SH3RF1: variants seen among roughly 807,000 people sequenced by gnomAD.
SH3RF1 encodes SH3 domain containing ring finger 1.
A neutral mutation model predicts 74.0 loss-of-function variants in SH3RF1; 32 were observed. The ratio of observed to expected loss-of-function variants is 0.43; its 90% CI spans 0.33 to 0.58. The LOEUF is 0.58. Ranked by LOEUF, SH3RF1 falls within the 20% of genes least tolerant of loss-of-function variation. The pLI is 0.05. For synonymous variants in SH3RF1, 396 were observed against 439.6 expected, an observed-to-expected ratio of 0.90 and a Z score of 1.24; for missense variants, 954 against 1,130.9, an observed-to-expected ratio of 0.84 and a Z score of 2.24.
intron 2 of SH3RF1, among the ~76,000 whole-genome samples, chr4:169,160,603 T>C (rs1734135368): frequency 6.6e-6 from 1 of 152,174 alleles, no homozygotes; most frequent in Non-Finnish European, 1.5e-5. Flanking sequence ...TGAACAAACA[T>C]TTGTGCATCT....
chr4:169,196,589 A>C (rs900865102), intron 2 of SH3RF1, among the ~76,000 whole-genome samples: 4 of 152,170 alleles, frequency 2.6e-5, no homozygotes, highest in African/African-American at 9.7e-5. Flanking sequence ...AATCACCTTA[A>C]TCTAATTTCA....
chr4:169,244,697 A>G (rs1579159891), intron 2 of SH3RF1, among the ~76,000 whole-genome samples: 1 of 139,284 alleles, frequency 7.2e-6, no homozygotes. Flanking sequence ...AAAGTAACAC[A>G]TGACAGAATT....
chr4:169,101,545 T>C (rs1479127629), intron 11 of SH3RF1, among the ~76,000 whole-genome samples: 1 of 152,000 alleles, frequency 6.6e-6, no homozygotes, highest in Non-Finnish European at 1.5e-5. Context: ...AATGGTTGTA[T>C]GACAACATGA....
At chr4:169,224,042 A>C (rs1380498671) in intron 2 of SH3RF1, among the ~76,000 whole-genome samples, 1 of 152,242 alleles carries the variant, frequency 6.6e-6, no homozygotes, top group Non-Finnish European at 1.5e-5. Context: ...GGGGCAGAAT[A>C]CTGTGGTCTT....
At chr4:169,260,047 G>A (rs766292001) in intron 2 of SH3RF1, among the ~76,000 whole-genome samples, 9 of 152,166 alleles carry the variant, frequency 5.9e-5, no homozygotes, top group South Asian at 2.1e-4. Context: ...TGGAGTGAGC[G>A]TCTGACCAGA....
At chr4:169,210,623 A>G (rs926834912) in intron 2 of SH3RF1, among the ~76,000 whole-genome samples, 3 of 152,346 alleles carry the variant, frequency 2.0e-5, no homozygotes, top group Non-Finnish European at 1.5e-5. Flanking sequence ...GCCTCCTTAC[A>G]TATTTTAGGT....
intron 2 of SH3RF1, among the ~76,000 whole-genome samples, chr4:169,241,099 G>C (rs1228681692): frequency 6.6e-6 from 1 of 152,124 alleles, no homozygotes; most frequent in Non-Finnish European, 1.5e-5. Flanking sequence ...GCGTGGTGGC[G>C]GGCGCCTGTA....
intron 2 of SH3RF1, among the ~76,000 whole-genome samples, chr4:169,163,125 T>C (rs1734177712): frequency 6.6e-6 from 1 of 151,024 alleles, no homozygotes; most frequent in South Asian, 2.1e-4. Flanking sequence ...AAACTAGAGA[T>C]AAAGGAAAGT....
intron 6 of SH3RF1, among the ~76,000 whole-genome samples, chr4:169,126,371 T>C (rs1733525294): frequency 6.6e-6 from 1 of 152,180 alleles, no homozygotes; most frequent in African/African-American, 2.4e-5. Context: ...TTCACCCTGA[T>C]TTTTAGATCT....
intron 2 of SH3RF1, among the ~76,000 whole-genome samples, chr4:169,263,306 A>C (rs1731308746): frequency 6.6e-6 from 1 of 152,224 alleles, no homozygotes; most frequent in African/African-American, 2.4e-5. Context: ...TCTATATCTT[A>C]TCCCACCCCC....
chr4:169,146,517 C>G (rs934114836), intron 4 of SH3RF1, among the ~76,000 whole-genome samples: 14 of 151,876 alleles, frequency 9.2e-5, no homozygotes, highest in Non-Finnish European at 8.8e-5. Flanking sequence ...TGTGAGCCAC[C>G]ACCCGGCCTA....
intron 6 of SH3RF1, 31 bp from the exon 7 acceptor site, chr4:169,122,297 A>G (rs761784293): frequency 5.4e-5 from 83 of 1,541,626 alleles, no homozygotes; most frequent in Non-Finnish European, 6.7e-5. Context: ...AGAGAAAGGG[A>G]AAAAAGGGAA....
At chr4:169,120,462 G>T (rs974023032) in intron 8 of SH3RF1, among the ~76,000 whole-genome samples, 1 of 152,108 alleles carries the variant, frequency 6.6e-6, no homozygotes, top group African/African-American at 2.4e-5. Context: ...CATATAGTAC[G>T]CATTATATAA....
chr4:169,203,072 A>G (rs1734937160), intron 2 of SH3RF1, among the ~76,000 whole-genome samples: 1 of 152,220 alleles, frequency 6.6e-6, no homozygotes. Context: ...AAACCTGTTT[A>G]TTGTTAAGAA....
intron 2 of SH3RF1, among the ~76,000 whole-genome samples, chr4:169,187,577 G>C (rs1288033634): frequency 6.7e-6 from 1 of 148,506 alleles, no homozygotes; most frequent in Non-Finnish European, 1.5e-5. Flanking sequence ...TAGTTGACAA[G>C]CAACTTTTTA....
intron 2 of SH3RF1, among the ~76,000 whole-genome samples, chr4:169,216,282 C>T (rs976279750): frequency 4.0e-5 from 6 of 151,338 alleles, no homozygotes; most frequent in East Asian, 1.9e-4. Flanking sequence ...GAAAAAGCTT[C>T]GAAAAAATTG....
rs554005943 is a variant in SH3RF1, at chr4:169,119,560, T to C, written c.1517+1259A>G. On this transcript the variant is annotated intron_variant, in intron 8 of 11. Coordinates refer to ENST00000284637, the MANE Select transcript of SH3RF1 (RefSeq NM_020870.4). ...GCATTTCTCTTATCCATTATTATCA[T>C]TATTTTGCACCAGGGAGGTTCTATC... is the stretch of plus-strand genomic sequence containing the variant. Among the ~76,000 whole-genome samples, 13 of 152,330 alleles carry C rather than the reference T, an allele frequency of 8.5e-5. No individual in the cohort carries two copies. The East Asian group carries it at 2.5e-3, about 29-fold the overall frequency.
chr4:169,111,514 C>G (rs1221055374), intron 10 of SH3RF1, among the ~76,000 whole-genome samples: 2 of 151,636 alleles, frequency 1.3e-5, no homozygotes, highest in African/African-American at 4.8e-5. Flanking sequence ...ATCTGCCCAC[C>G]CTGGTCTCCC....
At chr4:169,219,582 G>T (rs1475080529) in intron 2 of SH3RF1, among the ~76,000 whole-genome samples, 1 of 152,168 alleles carries the variant, frequency 6.6e-6, no homozygotes. Flanking sequence ...ATATTTGAGG[G>T]ATGGTGTATA....
Sources: gnomAD v4.1 joint callset for allele counts (sites outside exome capture counted in the v4.1 genomes callset) on GRCh38, gnomAD v4.1.1 for gene constraint, MANE v1.5 for transcripts, NCBI Gene and HGNC (gene_info 2026-07-23, HGNC 2026-07-21) for gene names.